UBTF: variants seen among roughly 807,000 people sequenced by gnomAD.
The protein encoded by UBTF is upstream binding transcription factor, also known as nucleolar transcription factor 1.
UBTF carries 8 observed loss-of-function variants against 112.3 expected under a neutral mutation model. That is an observed-to-expected ratio of 0.07 (90% CI 0.04 to 0.13). The LOEUF (loss-of-function observed/expected upper bound fraction) is 0.13. UBTF is among the 10% of genes least tolerant of loss of function. The pLI is 1.00. For synonymous variants in UBTF, 417 were observed against 373.1 expected, an observed-to-expected ratio of 1.12 and a Z score of -1.36; for missense variants, 457 against 982.1, an observed-to-expected ratio of 0.47 and a Z score of 7.15.
At position 44,210,240 on chromosome 17, in the gene UBTF, G is replaced by A. The variant is rs2056562410; in HGVS notation, c.1516-6C>T. 6.2e-7 allele frequency: 1 copy of A among 1,614,206 alleles called. No individual in the cohort carries two copies. The highest frequency in any genetic ancestry group is 8.5e-7 in the Non-Finnish European group (1 of 1,180,030). ...AAGGCCTTCACCCGGTCATTCTGGGGACCAATAAGGGTATCAGCCGTGGGA... is the reference window on the plus strand; with the variant it reads ...AAGGCCTTCACCCGGTCATTCTGGGAACCAATAAGGGTATCAGCCGTGGGA... On this transcript the variant is annotated splice_polypyrimidine_tract_variant and splice_region_variant and intron_variant, in intron 14 of 20. Coordinates refer to ENST00000436088, the MANE Select transcript of UBTF (RefSeq NM_014233.4).
At position 44,210,378 on chromosome 17, in the gene UBTF, G is replaced by T. The variant is rs747359867; in HGVS notation, c.1455C>A (p.Pro485=). 1.2e-6 allele frequency: 2 copies of T among 1,614,190 alleles called. No individual in the cohort carries two copies. The highest frequency in any genetic ancestry group is 2.2e-5 in the South Asian group (2 of 91,086). ...REERGKLPES[P]KRAEEIWQQS... ...GTTGCCAGATCTCCTCAGCTCTTTT[G>T]GGGGACTCGGGCAGCTTGCCCCGTT... is the stretch of plus-strand genomic sequence containing the variant. Residue 485 remains proline (P), a synonymous_variant, in exon 14 of 21, where the codon CCC becomes CCA. Coordinates refer to ENST00000436088, the MANE Select transcript of UBTF (RefSeq NM_014233.4).
chr17:44,207,592 G>A lies in UBTF; in HGVS notation c.2031C>T (p.Ser677=), dbSNP rs763153058. 47 of 1,613,810 alleles carry A rather than the reference G, an allele frequency of 2.9e-5. No individual in the cohort carries two copies. The highest frequency in any genetic ancestry group is 3.6e-5 in the Non-Finnish European group (42 of 1,179,962). The part of the protein sequence containing the change: ...SRTTLQSKSE[S]EEDDEEDEDD... ...CCTCATCCTCTTCATCATCCTCCTC[G>A]GACTCCTTGGAGGGATGGAGGCACA... The change falls in exon 20 of 21, where the codon TCC becomes TCT. Residue 677 remains serine (S), a synonymous_variant. Transcript: ENST00000436088.
At chr17:44,213,610 G>A (rs1006020030) in intron 5 of UBTF, among the ~76,000 whole-genome samples, 2 of 152,176 alleles carry the variant, frequency 1.3e-5, no homozygotes, top group South Asian at 2.1e-4. Context: ...TCCCCCACTC[G>A]TTTCTCCAAC....
intron 3 of UBTF, 183 bp from the exon 4 acceptor site, chr17:44,216,172 C>G: frequency 3.2e-6 from 2 of 630,624 alleles, no homozygotes; most frequent in Non-Finnish European, 5.5e-6. Flanking sequence ...CCATGCCTAC[C>G]GCAGAGGCCC....
chr17:44,215,557 AT>A, intron 5 of UBTF, 96 bp downstream of exon 5: 3 of 1,489,106 alleles, frequency 2.0e-6, no homozygotes, highest in Non-Finnish European at 2.8e-6. Flanking sequence ...CTCATCCCTG[AT>A]GCCAGGTTTC....
Position 44,209,715 on chromosome 17 carries a change from G to T in UBTF, c.1645C>A (p.Arg549=), listed in dbSNP as rs1193699644. 1 of 1,614,090 alleles carries T rather than the reference G, an allele frequency of 6.2e-7. No individual in the cohort carries two copies. ...KRYERELSEM[R]APPAATNSSK... is the part of the protein sequence containing the mutation. Reference sequence around the variant, plus strand: ...GAATTTGTAGCAGCTGGAGGTGCCCGCATCTCACTCAGCTCTCTCTGGAGG... The same window carrying T: ...GAATTTGTAGCAGCTGGAGGTGCCCTCATCTCACTCAGCTCTCTCTGGAGG... Residue 549 remains arginine (R), a synonymous_variant, in exon 16 of 21, where the codon CGG becomes AGG. Coordinates refer to ENST00000436088, the MANE Select transcript of UBTF (RefSeq NM_014233.4).
intron 5 of UBTF, among the ~76,000 whole-genome samples, chr17:44,215,118 C>A (rs970867887): frequency 2.0e-5 from 3 of 152,176 alleles, no homozygotes; most frequent in African/African-American, 4.8e-5. Flanking sequence ...GAGAAGTGCA[C>A]TTCACAGGTG....
At chr17:44,218,775 C>G (rs1414154677) in intron 1 of UBTF, among the ~76,000 whole-genome samples, 2 of 150,812 alleles carry the variant, frequency 1.3e-5, no homozygotes, top group African/African-American at 2.4e-5. Flanking sequence ...CCTCCGCAAC[C>G]CGGCGGGGAC....
Position 44,216,703 on chromosome 17 carries a change from G to A in UBTF, c.60C>T (p.Asp20=). The A allele has an allele frequency of 6.2e-7, 1 of 1,613,996 alleles. No individual in the cohort carries two copies. Among genetic ancestry groups the A allele is most frequent in the South Asian group, 1.1e-5 (1 of 91,074 alleles). Residue 20 remains aspartate (D), a splice_region_variant and synonymous_variant, in exon 3 of 21, where the codon GAC becomes GAT. Transcript: ENST00000436088. The part of the protein sequence containing the change: ...DLEMAAPKGQ[D]RWSQEDMLTL... ...TCAGCATGTCTTCCTGGGACCAACGGTCTGGTAAAGAGTAACAGAGGCCAT... is the reference window on the plus strand; with the variant it reads ...TCAGCATGTCTTCCTGGGACCAACGATCTGGTAAAGAGTAACAGAGGCCAT...
intron 7 of UBTF, 67 bp downstream of exon 7, chr17:44,212,752 C>A (rs2056775957): frequency 1.3e-6 from 2 of 1,595,126 alleles, no homozygotes; most frequent in Non-Finnish European, 8.5e-7. Context: ...GCCCGGCCGA[C>A]CTGGCGCGGC....
At chr17:44,207,959 T>C in intron 17 of UBTF, 48 bp from the exon 18 acceptor site, 1 of 1,612,516 alleles carries the variant, frequency 6.2e-7, no homozygotes, top group South Asian at 1.1e-5. Flanking sequence ...CAACTACTGC[T>C]GACTGAGCAT....
In UBTF at chr17:44,207,791, G is replaced by A. The variant is rs760484477; in HGVS notation, c.1954-21C>T. 8 of 1,614,054 alleles carry A rather than the reference G, an allele frequency of 5.0e-6. No homozygotes were observed. In the South Asian group the frequency reaches 6.6e-5, roughly 13 times the overall value. ...CGTTTCTGCAGGATGGGGACACAAA[G>A]GTGGCAGCCATGAGTTCGACACCCC... On this transcript the variant is annotated intron_variant, in intron 18 of 20. Transcript: ENST00000436088.
chr17:44,216,902 G>T (rs2046871656), intron 2 of UBTF, among the ~76,000 whole-genome samples, 198 bp from the exon 3 acceptor site: 1 of 152,200 alleles, frequency 6.6e-6, no homozygotes, highest in Admixed American at 6.5e-5. Flanking sequence ...CTCCAGTCCA[G>T]ACCATGCTAT....
At chr17:44,216,949 C>A (rs1001814215) in intron 2 of UBTF, among the ~76,000 whole-genome samples, 19 of 152,178 alleles carry the variant, frequency 1.2e-4, no homozygotes, top group Admixed American at 1.1e-3. Flanking sequence ...GTCTGGCTTG[C>A]TTCAAGGCTA....
chr17:44,209,551 G>A lies in UBTF; in HGVS notation c.1716-10C>T, dbSNP rs1489676817. 6.2e-7 allele frequency: 1 copy of A among 1,611,778 alleles called. No individual in the cohort carries two copies. The highest frequency in any genetic ancestry group is 2.2e-5 in the East Asian group (1 of 44,832). ...CTTCTGGTAACCGTTCCTGGGAGGT[G>A]GGTTGGTAGAAGGAGGGTCAGGACC... On this transcript the variant is annotated splice_polypyrimidine_tract_variant and intron_variant, in intron 16 of 20. Transcript: ENST00000436088.
chr17:44,209,841 G>A (rs551210551), intron 15 of UBTF, 108 bp from the exon 16 acceptor site: 26 of 1,228,706 alleles, frequency 2.1e-5, no homozygotes, highest in East Asian at 2.5e-5. Context: ...CTGTGCCAGG[G>A]AGGAGGAGAA....
intron 2 of UBTF, 42 bp from the exon 3 acceptor site, chr17:44,216,746 A>G (rs1284968164): frequency 1.9e-6 from 3 of 1,598,532 alleles, no homozygotes; most frequent in African/African-American, 1.3e-5. Context: ...GGCTCATGCT[A>G]TCCCCCCGAT....
At chr17:44,218,430 G>A (rs2046956861) in intron 1 of UBTF, 134 bp from the exon 2 acceptor site, 4 of 571,716 alleles carry the variant, frequency 7.0e-6, no homozygotes, top group Non-Finnish European at 1.2e-5. Flanking sequence ...GACTTAAGGG[G>A]TCTATGGGAA....
chr17:44,216,798 G>T, intron 2 of UBTF, 94 bp from the exon 3 acceptor site: 2 of 1,280,812 alleles, frequency 1.6e-6, no homozygotes, highest in Non-Finnish European at 2.2e-6. Flanking sequence ...CCTCCCTAGG[G>T]CATCCCAGCC....
Sources: allele counts gnomAD v4.1 joint callset (sites outside exome capture counted in the v4.1 genomes callset), GRCh38; gene constraint gnomAD v4.1.1; transcripts MANE v1.5; gene names NCBI Gene and HGNC (gene_info 2026-07-23, HGNC 2026-07-21).